Variants in RYR2 observed in about 807,000 individuals in gnomAD.
RYR2 encodes the protein cardiac muscle ryanodine receptor-calcium release channel.
RYR2 carries 227 observed loss-of-function variants against 601.1 expected under a neutral mutation model. The ratio of observed to expected loss-of-function variants is 0.38; its 90% CI spans 0.34 to 0.42. The LOEUF (loss-of-function observed/expected upper bound fraction) is 0.42, where lower values mean the gene tolerates loss of function less well. Among genes scored for constraint, RYR2 ranks in the 10% least tolerant of loss-of-function variants. The pLI is 1.00. For missense variants in RYR2, 4,646 were observed against 6,156.5 expected (o/e 0.75, Z 8.21); for synonymous variants, 2,223 against 2,175.1 (o/e 1.02, Z -0.61).
rs769729405 is a variant in RYR2, at chr1:237,589,960, C to A, written c.3766C>A (p.Pro1256Thr). The change falls in exon 30 of 105, where the codon CCT becomes ACT. Residue 1256 changes from proline to threonine, a missense_variant. Pro to Thr is a conservative substitution (Grantham distance 38). Coordinates refer to ENST00000366574, the MANE Select transcript of RYR2 (RefSeq NM_001035.3). ...TACCATGTGGCTGAGCAAGAGGCTT[C>A]CTCAGTTTCTTCAAGTTCCATCAAA... ...DITMWLSKRL[P>T]QFLQVPSNHE... The A allele has an allele frequency of 4.3e-6, 7 of 1,613,866 alleles. No individual in the cohort carries two copies. The East Asian group carries it at 1.6e-4, about 36-fold the overall frequency.
At chr1:237,133,909 A>G (rs916816511) in intron 1 of RYR2, among the ~76,000 whole-genome samples, 2 of 134,532 alleles carry the variant, frequency 1.5e-5, no homozygotes, top group Admixed American at 8.1e-5. Context: ...TGGGTGACAG[A>G]GCAAGACTCC....
intron 8 of RYR2, among the ~76,000 whole-genome samples, chr1:237,386,410 T>G (rs1701961630): frequency 6.6e-6 from 1 of 152,174 alleles, no homozygotes. Context: ...ATGGTCAAGA[T>G]TTCTGGGAAA....
chr1:237,072,783 C>A (rs1002490759), intron 1 of RYR2, among the ~76,000 whole-genome samples: 1 of 151,936 alleles, frequency 6.6e-6, no homozygotes, highest in Admixed American at 6.6e-5. Flanking sequence ...CCCGACTCTA[C>A]TAAAAGTACA....
intron 53 of RYR2, among the ~76,000 whole-genome samples, chr1:237,656,373 G>A (rs1056682677): frequency 2.0e-5 from 3 of 152,126 alleles, no homozygotes; most frequent in Non-Finnish European, 2.9e-5. Flanking sequence ...GTTTCTGCGA[G>A]TAGCAAGGGA....
At chr1:237,372,694 C>T (rs1480371990) in intron 6 of RYR2, among the ~76,000 whole-genome samples, 5 of 152,192 alleles carry the variant, frequency 3.3e-5, no homozygotes, top group African/African-American at 4.8e-5. Flanking sequence ...TTTAAGACAA[C>T]TACTCTCTAT....
rs1675658865 is a variant in RYR2, at chr1:237,594,893, T to TTG, written c.4437-604_4437-603insGT. 2.9e-3 allele frequency among the ~76,000 whole-genome samples: 45 copies of TTG among 15,766 alleles called. 1 individual carries two copies. The highest frequency in any genetic ancestry group is 5.0e-3 in the Admixed American group (4 of 794). The allele number at this position is 15,766 out of a possible 152,430, so 10.3% of individuals were successfully genotyped here. On this transcript the variant is annotated intron_variant, in intron 33 of 104. Coordinates refer to ENST00000366574, the MANE Select transcript of RYR2 (RefSeq NM_001035.3). ...TGTGGTTAATATCACTGGGTTTTTTTTTTTTTTTTTTTTTTTTTTTTTTTT... is the reference window on the plus strand; with the variant it reads ...TGTGGTTAATATCACTGGGTTTTTTTTGTTTTTTTTTTTTTTTTTTTTTTTTT...
chr1:237,346,929 T>G (rs1698360413), intron 3 of RYR2, among the ~76,000 whole-genome samples: 1 of 152,246 alleles, frequency 6.6e-6, no homozygotes, highest in African/African-American at 2.4e-5. Context: ...TGCTTTGTAT[T>G]TTTCATTTTA....
At chr1:237,533,753 A>G (rs540939649) in intron 25 of RYR2, among the ~76,000 whole-genome samples, 3 of 152,266 alleles carry the variant, frequency 2.0e-5, no homozygotes, top group South Asian at 2.1e-4. Flanking sequence ...TTAAAAATCA[A>G]TGAAATTATA....
rs1429202777 is a variant in RYR2, at chr1:237,833,921, C to CTTTT, written c.*1275_*1278dup. 1 of 152,456 alleles carries CTTTT rather than the reference C, an allele frequency of 6.6e-6. No homozygotes were observed. The highest frequency in any genetic ancestry group is 1.5e-5 in the Non-Finnish European group (1 of 68,026). 9.4% of individuals were successfully genotyped at this position (152,456 alleles called of 1,614,324 possible). A position where few individuals can be genotyped will look rare whatever the true frequency, so the allele number is the denominator to read the frequency against. Reference sequence around the variant, plus strand: ...AGGTCATTTTGCAAACATTGGAGCTCTTTTATTACAAGTCTGCTTGTTAAT... The same window carrying CTTTT: ...AGGTCATTTTGCAAACATTGGAGCTCTTTTTTTTATTACAAGTCTGCTTGTTAAT... On this transcript the variant is annotated 3_prime_UTR_variant, in exon 105 of 105. Transcript: ENST00000366574.
intron 1 of RYR2, among the ~76,000 whole-genome samples, chr1:237,236,840 T>A (rs1438003594): frequency 6.6e-6 from 1 of 152,162 alleles, no homozygotes; most frequent in Admixed American, 6.6e-5. Flanking sequence ...TCCTAAAAGG[T>A]GGGAGGGAAA....
intron 1 of RYR2, among the ~76,000 whole-genome samples, chr1:237,186,048 C>A (rs1679305122): frequency 6.6e-6 from 1 of 152,216 alleles, no homozygotes; most frequent in African/African-American, 2.4e-5. Context: ...GTTGTCCCTG[C>A]AGGCTCTCAT....
intron 6 of RYR2, among the ~76,000 whole-genome samples, chr1:237,372,363 T>A (rs934700288): frequency 6.6e-6 from 1 of 152,242 alleles, no homozygotes; most frequent in Admixed American, 6.5e-5. Flanking sequence ...GATTAATTCC[T>A]CAGTGATAAA....
chr1:237,534,492 A>T (rs1572756102), intron 25 of RYR2, among the ~76,000 whole-genome samples: 1 of 152,078 alleles, frequency 6.6e-6, no homozygotes, highest in East Asian at 1.9e-4. Context: ...TGCTGCATGC[A>T]TGAAACATTT....
rs140203482 is a variant in RYR2, at chr1:237,314,099, C to G, written c.169-16779C>G. Among the ~76,000 whole-genome samples, 915 of 116,694 alleles carry G rather than the reference C, an allele frequency of 7.8e-3. 9 individuals carry two copies. The highest frequency in any genetic ancestry group is 0.027 in the African/African-American group (861 of 31,486). 76.6% of individuals were successfully genotyped at this position (116,694 alleles called of 152,430 possible). The stretch of plus-strand genomic sequence containing the variant: ...TTTTTTTTTGAGATGGAGTCTTGCT[C>G]TGTTGCCCAGGCTGGAGTGCAGTGG... On this transcript the variant is annotated intron_variant, in intron 2 of 104. Coordinates refer to ENST00000366574, the MANE Select transcript of RYR2 (RefSeq NM_001035.3).
intron 17 of RYR2, among the ~76,000 whole-genome samples, chr1:237,483,650 C>G (rs1240583597): frequency 6.6e-6 from 1 of 152,190 alleles, no homozygotes; most frequent in Non-Finnish European, 1.5e-5. Flanking sequence ...TGTCACATCC[C>G]TAAGTTATTT....
At chr1:237,701,143 A>G (rs1282275060) in intron 65 of RYR2, among the ~76,000 whole-genome samples, 3 of 152,250 alleles carry the variant, frequency 2.0e-5, no homozygotes, top group African/African-American at 7.2e-5. Flanking sequence ...TCCATTCCTC[A>G]GGTGATGGGC....
At chr1:237,365,796 C>T (rs748854115) in intron 5 of RYR2, among the ~76,000 whole-genome samples, 4 of 152,140 alleles carry the variant, frequency 2.6e-5, no homozygotes, top group Admixed American at 2.0e-4. Context: ...ATGAAATGGT[C>T]GCCTGAAACA....
At chr1:237,054,330 C>T (rs1362197018) in intron 1 of RYR2, among the ~76,000 whole-genome samples, 1 of 142,484 alleles carries the variant, frequency 7.0e-6, no homozygotes, top group East Asian at 2.1e-4. Context: ...CCGCCTCCCC[C>T]CTCCCCCCCT....
rs148491426 is a variant in RYR2, at chr1:237,164,192, C to G, written c.49-106305C>G. ...GTCCCAGTCAGTCAGGTGGCTGAGG[C>G]GAGAGAATCGCTTGAAACCAGGAGG... On this transcript the variant is annotated intron_variant, in intron 1 of 104. Coordinates refer to ENST00000366574, the MANE Select transcript of RYR2 (RefSeq NM_001035.3). Among the ~76,000 whole-genome samples, 441 of 152,266 alleles carry G rather than the reference C, an allele frequency of 2.9e-3. 3 individuals carry two copies. The highest frequency in any genetic ancestry group is 0.01 in the African/African-American group (425 of 41,554).
Sources: gnomAD v4.1 joint callset for allele counts (sites outside exome capture counted in the v4.1 genomes callset) on GRCh38, gnomAD v4.1.1 for gene constraint, MANE v1.5 for transcripts, NCBI Gene and HGNC (gene_info 2026-07-23, HGNC 2026-07-21) for gene names.